NRCAM: variants seen among roughly 807,000 people sequenced by gnomAD.
The protein encoded by NRCAM is neuronal cell adhesion molecule, also known as NgCAM-related cell adhesion molecule.
NRCAM carries 83 observed loss-of-function variants against 156.5 expected under a neutral mutation model. The ratio of observed to expected loss-of-function variants is 0.53; its 90% CI spans 0.44 to 0.64. The LOEUF is 0.64. NRCAM is among the 30% of genes least tolerant of loss of function. The probability of loss-of-function intolerance (pLI) is 0.00; values close to 1 mark genes in which losing one functional copy is unlikely to be tolerated. For missense variants in NRCAM, 1,417 were observed against 1,597.3 expected (o/e 0.89, Z 1.92); for synonymous variants, 538 against 563.9 (o/e 0.95, Z 0.65).
chr7:108,176,806 A>ATCATT (rs1227060243), intron 26 of NRCAM, 200 bp from the exon 27 acceptor site: 5 of 474,440 alleles, frequency 1.1e-5, no homozygotes, highest in Non-Finnish European at 1.9e-5. Flanking sequence ...ATCATATCAT[A>ATCATT]TCATATCATA....
chr7:108,236,833 G>T lies in NRCAM; in HGVS notation c.124+919C>A, dbSNP rs75407675. On this transcript the variant is annotated intron_variant, in intron 5 of 32. Transcript: ENST00000379028. Reference sequence around the variant, plus strand: ...CCAAGGAATAGTGGCCATAGGGAGTGGGGGAGGGGATTCTTAGGAGTGACT... The same window carrying T: ...CCAAGGAATAGTGGCCATAGGGAGTTGGGGAGGGGATTCTTAGGAGTGACT... 7.4e-3 allele frequency among the ~76,000 whole-genome samples: 1,122 copies of T among 152,144 alleles called. 8 individuals are homozygous for T. The highest frequency in any genetic ancestry group is 0.012 in the Non-Finnish European group (811 of 67,988).
At chr7:108,156,509 G>T in intron 32 of NRCAM, 1 of 723,454 alleles carries the variant, frequency 1.4e-6, no homozygotes, top group Non-Finnish European at 1.7e-6. Context: ...GTAACTGCTT[G>T]GGGGTGGGTG....
chr7:108,274,964 T>C (rs1023426158), intron 3 of NRCAM, among the ~76,000 whole-genome samples: 3 of 152,208 alleles, frequency 2.0e-5, no homozygotes, highest in Non-Finnish European at 2.9e-5. Context: ...TTGGATATTG[T>C]TGAAGGCCTT....
chr7:108,197,414 G>A (rs527685535), intron 14 of NRCAM, among the ~76,000 whole-genome samples: 1 of 152,272 alleles, frequency 6.6e-6, no homozygotes, highest in African/African-American at 2.4e-5. Context: ...TTTAACAAAT[G>A]TGGTATTTTG....
chr7:108,248,571 T>C (rs527498482), intron 3 of NRCAM, among the ~76,000 whole-genome samples: 6 of 152,266 alleles, frequency 3.9e-5, no homozygotes, highest in South Asian at 2.1e-4. Context: ...ATACAATTGA[T>C]ACTTCGCCTG....
chr7:108,231,146 T>G lies in NRCAM; in HGVS notation c.435A>C (p.Pro145=). 6.3e-7 allele frequency: 1 copy of G among 1,583,616 alleles called. No homozygotes were observed. Among genetic ancestry groups the G allele is most frequent in the South Asian group, 1.2e-5 (1 of 84,272 alleles). ...GTTCAAGTTTTTCTTTGGTCCACAA[T>G]GGTGATCCTATTAAATAAAAAAATA... is the stretch of plus-strand genomic sequence containing the variant. ...NNIVVRPSRS[P]LWTKEKLEPI... Residue 145 remains proline (P), a synonymous_variant, in exon 8 of 33, where the codon CCA becomes CCC. Coordinates refer to ENST00000379028, the MANE Select transcript of NRCAM (RefSeq NM_001037132.4).
chr7:108,271,503 G>A (rs1302805780), intron 3 of NRCAM, among the ~76,000 whole-genome samples: 1 of 152,076 alleles, frequency 6.6e-6, no homozygotes, highest in East Asian at 1.9e-4. Context: ...TTTGAGACCA[G>A]CCTAGCCAAC....
At chr7:108,367,679 G>A (rs1215085805) in intron 2 of NRCAM, among the ~76,000 whole-genome samples, 7 of 151,988 alleles carry the variant, frequency 4.6e-5, no homozygotes, top group Non-Finnish European at 8.8e-5. Context: ...ATATCTGAAG[G>A]AGAGTCTCAC....
intron 2 of NRCAM, among the ~76,000 whole-genome samples, chr7:108,323,802 A>G (rs1221333545): frequency 6.6e-6 from 1 of 151,984 alleles, no homozygotes; most frequent in Admixed American, 6.5e-5. Context: ...GAAGATAAAG[A>G]GGGGCTGCAA....
intron 31 of NRCAM, 89 bp from the exon 32 acceptor site, chr7:108,159,630 G>T: frequency 1.1e-6 from 1 of 951,706 alleles, no homozygotes; most frequent in Non-Finnish European, 1.7e-6. Context: ...ATATACAGCA[G>T]TGAAAAATAA....
intron 2 of NRCAM, among the ~76,000 whole-genome samples, chr7:108,371,496 G>A (rs1028927674): frequency 4.6e-5 from 7 of 152,120 alleles, no homozygotes; most frequent in African/African-American, 1.4e-4. Flanking sequence ...CTGCACAGAG[G>A]GAGATGATAT....
chr7:108,267,159 T>C (rs1055129453), intron 3 of NRCAM, among the ~76,000 whole-genome samples: 3 of 152,194 alleles, frequency 2.0e-5, no homozygotes, highest in African/African-American at 7.2e-5. Context: ...TAATAAGCGG[T>C]AAGCATCCCT....
chr7:108,417,461 C>A (rs1357467641), intron 1 of NRCAM, among the ~76,000 whole-genome samples: 1 of 151,792 alleles, frequency 6.6e-6, no homozygotes, highest in Non-Finnish European at 1.5e-5. Flanking sequence ...AAGGGTGGAG[C>A]CCTCATGGCC....
At chr7:108,237,845 T>G (rs1158966424) in intron 4 of NRCAM, 76 bp from the exon 5 acceptor site, 1 of 1,130,188 alleles carries the variant, frequency 8.8e-7, no homozygotes, top group African/African-American at 1.6e-5. Context: ...ATAAGAACGT[T>G]AGAACTCTGA....
At chr7:108,452,928 T>C (rs1291875355) in intron 1 of NRCAM, among the ~76,000 whole-genome samples, 1 of 152,198 alleles carries the variant, frequency 6.6e-6, no homozygotes, top group East Asian at 1.9e-4. Flanking sequence ...ACAAGAGGGC[T>C]TTCTCAGATG....
intron 1 of NRCAM, among the ~76,000 whole-genome samples, chr7:108,442,902 T>G (rs1314557425): frequency 6.6e-6 from 1 of 152,226 alleles, no homozygotes; most frequent in East Asian, 1.9e-4. Context: ...TGCGAGAATA[T>G]GCATAATAAA....
At chr7:108,179,718 A>G (rs2062472845) in intron 25 of NRCAM, among the ~76,000 whole-genome samples, 1 of 152,198 alleles carries the variant, frequency 6.6e-6, no homozygotes, top group African/African-American at 2.4e-5. Context: ...CCACTTGGTC[A>G]AGACTTGCAA....
chr7:108,267,441 G>A lies in NRCAM; in HGVS notation c.-106-27271C>T, dbSNP rs373082749. Among the ~76,000 whole-genome samples, 22 of 152,198 alleles carry A rather than the reference G, an allele frequency of 1.4e-4. 1 individual carries two copies. The East Asian group carries it at 4.2e-3, about 29-fold the overall frequency. On this transcript the variant is annotated intron_variant, in intron 3 of 32. Coordinates refer to ENST00000379028, the MANE Select transcript of NRCAM (RefSeq NM_001037132.4). Reference sequence around the variant, plus strand: ...CAGGGTTCTTGGGCACTTGGCTTTGGGCCTTGAGAATCCCATGGTTTCCAA... The same window carrying A: ...CAGGGTTCTTGGGCACTTGGCTTTGAGCCTTGAGAATCCCATGGTTTCCAA...
At chr7:108,203,083 T>C (rs2079066969) in intron 13 of NRCAM, among the ~76,000 whole-genome samples, 1 of 152,134 alleles carries the variant, frequency 6.6e-6, no homozygotes. Context: ...CAGTGTGGCT[T>C]TGAAGTCCTG....
Sources: gnomAD v4.1 joint callset for allele counts (sites outside exome capture counted in the v4.1 genomes callset) on GRCh38, gnomAD v4.1.1 for gene constraint, MANE v1.5 for transcripts, NCBI Gene and HGNC (gene_info 2026-07-23, HGNC 2026-07-21) for gene names.